The following ATG7 variants were observed in gnomAD, a reference collection of about 807,000 sequenced individuals.
ATG7 encodes autophagy related 7.
A neutral mutation model predicts 82.4 loss-of-function variants in ATG7; 70 were observed. That is an observed-to-expected ratio of 0.85 (90% CI 0.70 to 1.04). The LOEUF (loss-of-function observed/expected upper bound fraction) is 1.04, where lower values mean the gene tolerates loss of function less well. Among genes scored for constraint, ATG7 ranks in the 50% least tolerant of loss-of-function variants. The pLI, the probability that ATG7 is intolerant of heterozygous loss-of-function variation, is 0.00. For missense variants in ATG7, 792 were observed against 864.3 expected (o/e 0.92, Z 1.05); for synonymous variants, 287 against 313.0 (o/e 0.92, Z 0.88).
At position 11,307,015 on chromosome 3, in the gene ATG7, C is replaced by T. The variant is rs750222649; in HGVS notation, c.288C>T (p.Phe96=). ...ATAACACCAACACACTCGAGTCTTT[C>T]AAGACTGCAGATAAGAAGCTCCTTT... is the stretch of plus-strand genomic sequence containing the variant. ...TLYNTNTLES[F]KTADKKLLLE... Residue 96 remains phenylalanine (F), a synonymous_variant, in exon 6 of 21, where the codon TTC becomes TTT. Transcript: ENST00000693202. The T allele has an allele frequency of 1.9e-6, 3 of 1,614,046 alleles. No individual in the cohort carries two copies. The highest frequency in any genetic ancestry group is 2.5e-6 in the Non-Finnish European group (3 of 1,180,008).
chr3:11,480,380 A>T (rs193281698), intron 20 of ATG7, among the ~76,000 whole-genome samples: 172 of 152,240 alleles, frequency 1.1e-3, no homozygotes, highest in African/African-American at 4.1e-3. Flanking sequence ...CTACAAAAAC[A>T]TTTAAGATTG....
At chr3:11,303,710 A>G (rs57784304) in intron 5 of ATG7, among the ~76,000 whole-genome samples, 3,596 of 150,876 alleles carry the variant, frequency 0.024, 145 homozygotes, top group African/African-American at 0.08. Flanking sequence ...GCCTCAAATG[A>G]TCAACATTTG....
intron 20 of ATG7, among the ~76,000 whole-genome samples, chr3:11,433,446 C>T (rs1464983082): frequency 6.6e-6 from 1 of 152,042 alleles, no homozygotes; most frequent in African/African-American, 2.4e-5. Context: ...AGTATCAGTT[C>T]ACATGTATTT....
intron 19 of ATG7, among the ~76,000 whole-genome samples, chr3:11,401,321 A>G (rs1299679739): frequency 6.6e-6 from 1 of 152,188 alleles, no homozygotes. Flanking sequence ...TTTCAAGTGA[A>G]TATTTTCTTC....
intron 20 of ATG7, among the ~76,000 whole-genome samples, chr3:11,500,606 A>G (rs1258761282): frequency 6.6e-6 from 1 of 152,212 alleles, no homozygotes; most frequent in Non-Finnish European, 1.5e-5. Flanking sequence ...ATTTTTGAGT[A>G]TAGATAATAC....
chr3:11,554,779 T>C, intron 20 of ATG7, 32 bp from the exon 21 acceptor site: 1 of 1,612,030 alleles, frequency 6.2e-7, no homozygotes, highest in Non-Finnish European at 8.5e-7. Context: ...CAGTGGGACA[T>C]CTCGGCTGAG....
intron 13 of ATG7, chr3:11,346,586 C>T (rs185042503): frequency 6.6e-6 from 1 of 152,310 alleles, no homozygotes; most frequent in East Asian, 1.9e-4. Context: ...TGCAAATACA[C>T]CTGCATGTGA....
At chr3:11,279,265 G>T (rs534164680) in intron 1 of ATG7, among the ~76,000 whole-genome samples, 1 of 152,360 alleles carries the variant, frequency 6.6e-6, no homozygotes, top group Non-Finnish European at 1.5e-5. Flanking sequence ...TCAACATTCT[G>T]CAGTGTGCAG....
At chr3:11,313,919 T>C (rs944653021) in intron 8 of ATG7, among the ~76,000 whole-genome samples, 1 of 152,210 alleles carries the variant, frequency 6.6e-6, no homozygotes, top group African/African-American at 2.4e-5. Context: ...ATTTTGAAGA[T>C]GTAGTGCACA....
chr3:11,448,915 A>G (rs977616655), intron 20 of ATG7, among the ~76,000 whole-genome samples: 3 of 152,170 alleles, frequency 2.0e-5, no homozygotes, highest in African/African-American at 7.2e-5. Flanking sequence ...CCAGAGTAAT[A>G]TACTTAAACT....
At chr3:11,409,676 C>T (rs758536474) in intron 19 of ATG7, among the ~76,000 whole-genome samples, 1 of 152,090 alleles carries the variant, frequency 6.6e-6, no homozygotes, top group Non-Finnish European at 1.5e-5. Flanking sequence ...CCCATGTTAT[C>T]CCATAGGAGG....
At chr3:11,274,387 G>A (rs1326094065) in intron 1 of ATG7, among the ~76,000 whole-genome samples, 3 of 152,122 alleles carry the variant, frequency 2.0e-5, no homozygotes, top group Admixed American at 6.5e-5. Flanking sequence ...CTTAGGGTAC[G>A]CATAAGTCAG....
chr3:11,514,160 G>A (rs972917687), intron 20 of ATG7, among the ~76,000 whole-genome samples: 13 of 152,134 alleles, frequency 8.5e-5, no homozygotes, highest in African/African-American at 3.1e-4. Context: ...TTATAGGTAA[G>A]GAAAGTCAGG....
chr3:11,343,672 AG>A (rs1223133864), intron 13 of ATG7, among the ~76,000 whole-genome samples: 1 of 152,116 alleles, frequency 6.6e-6, no homozygotes, highest in Non-Finnish European at 1.5e-5. Flanking sequence ...TTACATGATA[AG>A]GGGTAAAGAT....
Position 11,437,796 on chromosome 3 carries a change from A to G in ATG7, c.2079+10870A>G, listed in dbSNP as rs538321871. Among the ~76,000 whole-genome samples, 18 of 152,330 alleles carry G rather than the reference A, an allele frequency of 1.2e-4. No homozygotes were observed. In the South Asian group the frequency reaches 3.5e-3, roughly 30 times the overall value. ...TAAACCATTTGAAAGCAAGTTTTAT[A>G]TACAGCGGCACCTCACCCCTAAATT... On this transcript the variant is annotated intron_variant, in intron 20 of 20. Transcript: ENST00000693202.
chr3:11,535,868 A>G (rs1258071947), intron 20 of ATG7, among the ~76,000 whole-genome samples: 1 of 152,160 alleles, frequency 6.6e-6, no homozygotes, highest in Non-Finnish European at 1.5e-5. Context: ...TCCTTTTTAA[A>G]GAGTGTCTGC....
chr3:11,332,480 G>C lies in ATG7; in HGVS notation c.768-492G>C, dbSNP rs149850220. Among the ~76,000 whole-genome samples the C allele has an allele frequency of 1.9e-3, 294 of 152,230 alleles. 2 individuals carry two copies. The highest frequency in any genetic ancestry group is 0.014 in the Middle Eastern group (4 of 294). On this transcript the variant is annotated intron_variant, in intron 10 of 20. Transcript: ENST00000693202. ...ATGTTTATTTAAAAATATGAAGATA[G>C]ATAAATTATAGATTGTTCTCTGAGG...
chr3:11,305,071 A>T (rs1450044511), intron 5 of ATG7, among the ~76,000 whole-genome samples: 1 of 152,154 alleles, frequency 6.6e-6, no homozygotes, highest in African/African-American at 2.4e-5. Flanking sequence ...GGATTTGCCT[A>T]TTCTGCATAT....
At chr3:11,573,304 AAAGG>A in the ATG7 span, among the ~76,000 whole-genome samples, 1 of 12,072 alleles carries the variant, frequency 8.3e-5, no homozygotes, top group African/African-American at 5.1e-4. Context: ...AGAAAGAAAG[AAAGG>A]AAGGAAGGAA....
Sources: allele counts gnomAD v4.1 joint callset (sites outside exome capture counted in the v4.1 genomes callset), GRCh38; gene constraint gnomAD v4.1.1; transcripts MANE v1.5; gene names NCBI Gene and HGNC (gene_info 2026-07-23, HGNC 2026-07-21).